PUM2: variants seen among roughly 807,000 people sequenced by gnomAD.
The protein encoded by PUM2 is pumilio homolog 2.
Under a neutral mutation model 124.5 loss-of-function variants are expected in PUM2, and 57 were observed. The ratio of observed to expected loss-of-function variants is 0.46; its 90% confidence interval spans 0.37 to 0.57. PUM2 has a LOEUF of 0.57. Among genes scored for constraint, PUM2 ranks in the 20% least tolerant of loss-of-function variants. PUM2 has a pLI of 0.00. For missense variants in PUM2, 1,065 were observed against 1,290.6 expected, an observed-to-expected ratio of 0.83 and a Z score of 2.68; for synonymous variants, 460 against 446.1, an observed-to-expected ratio of 1.03 and a Z score of -0.39.
intron 3 of PUM2, among the ~76,000 whole-genome samples, chr2:20,316,941 G>T (rs1380560672): frequency 6.6e-6 from 1 of 152,076 alleles, no homozygotes; most frequent in Non-Finnish European, 1.5e-5. Flanking sequence ...TGAGGCAGGA[G>T]AATCACTTGA....
intron 4 of PUM2, 151 bp from the exon 5 acceptor site, chr2:20,311,814 C>A: frequency 1.2e-6 from 1 of 866,536 alleles, no homozygotes; most frequent in South Asian, 2.1e-5. Context: ...TATCAAAGGC[C>A]AAAAAATTGC....
At position 20,286,800 on chromosome 2, in the gene PUM2, CTA is replaced by C. The variant is rs1298396269; in HGVS notation, c.1292-3316_1292-3315del. On this transcript the variant is annotated intron_variant, in intron 10 of 20. Coordinates refer to ENST00000361078, the MANE Select transcript of PUM2 (RefSeq NM_015317.5). ...CATTAAAACCTATATATTCTCTATG[CTA>C]TGTTTTTGTTCTAATCCACAAGTTT... 2.0e-5 allele frequency among the ~76,000 whole-genome samples: 3 copies of C among 152,156 alleles called. No homozygotes were observed. In the South Asian group the frequency reaches 6.2e-4, roughly 32 times the overall value.
intron 9 of PUM2, among the ~76,000 whole-genome samples, chr2:20,291,063 C>T (rs1305530197): frequency 2.0e-5 from 3 of 151,934 alleles, no homozygotes. Flanking sequence ...TGCTCTTTAA[C>T]AAAGTAGTTT....
In PUM2 at chr2:20,301,757, T is replaced by G. The variant is rs2148414574; in HGVS notation, c.884-4079A>C. On this transcript the variant is annotated intron_variant, in intron 7 of 20. Transcript: ENST00000361078. The stretch of plus-strand genomic sequence containing the variant: ...TACGCACTACCATACCTGGCTGATT[T>G]TTGTAGAGACAGGGTTTTGCCTATT... Among the ~76,000 whole-genome samples, 4 of 152,286 alleles carry G rather than the reference T, an allele frequency of 2.6e-5. No homozygotes were observed. The South Asian group carries it at 8.3e-4, about 32-fold the overall frequency.
intron 1 of PUM2, among the ~76,000 whole-genome samples, chr2:20,338,194 C>T (rs1035812680): frequency 2.6e-5 from 4 of 152,178 alleles, no homozygotes; most frequent in Non-Finnish European, 1.5e-5. Context: ...CTCAGGAATT[C>T]GAGACCAGCC....
intron 15 of PUM2, 140 bp from the exon 16 acceptor site, chr2:20,258,511 A>G: frequency 1.4e-6 from 1 of 692,120 alleles, no homozygotes; most frequent in Non-Finnish European, 2.2e-6. Context: ...TAATTAAGAT[A>G]GACTGGGAAA....
chr2:20,295,711 A>G (rs1240791002), intron 8 of PUM2, among the ~76,000 whole-genome samples: 1 of 152,212 alleles, frequency 6.6e-6, no homozygotes, highest in Non-Finnish European at 1.5e-5. Flanking sequence ...AACTCTATTC[A>G]TAACATCTAC....
Position 20,279,536 on chromosome 2 carries a change from C to T in PUM2, c.1721-717G>A, listed in dbSNP as rs144842107. 5.6e-3 allele frequency among the ~76,000 whole-genome samples: 859 copies of T among 152,304 alleles called. 30 individuals carry two copies. The highest frequency in any genetic ancestry group is 0.045 in the Admixed American group (693 of 15,298). On this transcript the variant is annotated intron_variant, in intron 12 of 20. Coordinates refer to ENST00000361078, the MANE Select transcript of PUM2 (RefSeq NM_015317.5). ...TTCTACTCCTAAGATGCTAGTACTA[C>T]TGCCTCCTGAGCCCCTTACTCAAGG...
intron 7 of PUM2, among the ~76,000 whole-genome samples, chr2:20,305,539 G>A (rs757170363): frequency 1.6e-4 from 23 of 143,940 alleles, no homozygotes; most frequent in Non-Finnish European, 2.9e-4. Flanking sequence ...ACTAAAAAAC[G>A]TGAAAAAACT....
chr2:20,312,194 T>A (rs1679761569), intron 4 of PUM2, 42 bp downstream of exon 4: 1 of 1,497,034 alleles, frequency 6.7e-7, no homozygotes, highest in Non-Finnish European at 9.1e-7. Flanking sequence ...ACCAAATAAC[T>A]CTCAAGCAAA....
intron 17 of PUM2, among the ~76,000 whole-genome samples, 169 bp downstream of exon 17, chr2:20,255,864 T>C (rs575894957): frequency 6.6e-6 from 1 of 151,962 alleles, no homozygotes; most frequent in Non-Finnish European, 1.5e-5. Flanking sequence ...AAAATGAAGC[T>C]ATCTACTGAC....
intron 17 of PUM2, 96 bp from the exon 18 acceptor site, chr2:20,255,437 C>T (rs1664552146): frequency 8.9e-6 from 11 of 1,230,820 alleles, no homozygotes; most frequent in African/African-American, 1.6e-5. Flanking sequence ...TTTGACAACA[C>T]CTAAAAGCAG....
intron 1 of PUM2, among the ~76,000 whole-genome samples, chr2:20,335,939 AG>A (rs1685905567): frequency 6.6e-6 from 1 of 152,212 alleles, no homozygotes; most frequent in South Asian, 2.1e-4. Context: ...TCCTTACAAA[AG>A]TTTCTCCTCT....
At chr2:20,286,150 C>T (rs1327690885) in intron 10 of PUM2, among the ~76,000 whole-genome samples, 1 of 152,164 alleles carries the variant, frequency 6.6e-6, no homozygotes, top group Admixed American at 6.5e-5. Context: ...GAGTGAATTA[C>T]TTCGACTTTT....
chr2:20,283,346 C>G lies in PUM2; in HGVS notation c.1432G>C (p.Ala478Pro), dbSNP rs1671997900. 1 of 1,613,832 alleles carries G rather than the reference C, an allele frequency of 6.2e-7. No homozygotes were observed. Among genetic ancestry groups the G allele is most frequent in the African/African-American group, 1.3e-5 (1 of 74,924 alleles). The part of the protein sequence containing the change: ...PVLISSAAAQ[A>P]AAAAAAGGTA... Reference sequence around the variant, plus strand: ...TAAAAATGTCAGTTACACTTACCAGCTTGTGCTGCTGCTGAACTAATTAAA... The same window carrying G: ...TAAAAATGTCAGTTACACTTACCAGGTTGTGCTGCTGCTGAACTAATTAAA... The change falls in exon 11 of 21, where the codon GCT (alanine) becomes CCT (proline). Residue 478 changes from alanine (A) to proline (P), a missense_variant. Ala to Pro is a conservative substitution (Grantham distance 27, BLOSUM62 -1). Coordinates refer to ENST00000361078, the MANE Select transcript of PUM2 (RefSeq NM_015317.5).
intron 2 of PUM2, among the ~76,000 whole-genome samples, chr2:20,326,755 G>C (rs1572945642): frequency 6.6e-6 from 1 of 152,142 alleles, no homozygotes; most frequent in Admixed American, 6.5e-5. Context: ...ATAATTTACA[G>C]GGGAGACAAG....
intron 7 of PUM2, among the ~76,000 whole-genome samples, chr2:20,306,981 AG>A (rs917521791): frequency 1.3e-5 from 2 of 151,172 alleles, no homozygotes; most frequent in African/African-American, 2.4e-5. Flanking sequence ...TGGGAGGCCG[AG>A]GGGGGGCTGA....
intron 1 of PUM2, among the ~76,000 whole-genome samples, chr2:20,349,448 T>C (rs1688871638): frequency 6.6e-6 from 1 of 152,014 alleles, no homozygotes; most frequent in Non-Finnish European, 1.5e-5. Flanking sequence ...TCATAATGAT[T>C]GAGCAAATGA....
chr2:20,298,412 G>A (rs1046853031), intron 7 of PUM2, among the ~76,000 whole-genome samples: 2 of 152,046 alleles, frequency 1.3e-5, no homozygotes, highest in East Asian at 1.9e-4. Context: ...AGTAACATAC[G>A]TCCATATGAA....
Sources: gnomAD v4.1 joint callset for allele counts (sites outside exome capture counted in the v4.1 genomes callset) on GRCh38, gnomAD v4.1.1 for gene constraint, MANE v1.5 for transcripts, NCBI Gene and HGNC (gene_info 2026-07-23, HGNC 2026-07-21) for gene names.